P2RY8: variants seen among roughly 807,000 people sequenced by gnomAD.
The protein encoded by P2RY8 is P2Y receptor family member 8.
A neutral mutation model predicts 10.0 loss-of-function variants in P2RY8; 6 were observed. The ratio of observed to expected loss-of-function variants is 0.60; its 90% CI spans 0.33 to 1.19. The LOEUF (loss-of-function observed/expected upper bound fraction) is 1.19. P2RY8 is among the 50% of genes most tolerant of loss of function. P2RY8 has a pLI of 0.04. For synonymous variants in P2RY8, 276 were observed against 252.5 expected (o/e 1.09, Z -0.88); for missense variants, 456 against 542.0 (o/e 0.84, Z 1.58).
intron 1 of P2RY8, among the ~76,000 whole-genome samples, chrX:1,530,602 A>G (rs1452593451): frequency 6.6e-6 from 1 of 150,714 alleles, no homozygotes; most frequent in Non-Finnish European, 1.5e-5. Context: ...ACCATTATCT[A>G]TCTATATGTA....
chrX:1,507,567 A>G (rs181442097), intron 1 of P2RY8, among the ~76,000 whole-genome samples: 2 of 151,996 alleles, frequency 1.3e-5, no homozygotes, highest in Admixed American at 6.6e-5. Context: ...CTGGCGACAT[A>G]CCTGTTGTGT....
chrX:1,484,743 AAAAAAG>A (rs1193302852), intron 1 of P2RY8, among the ~76,000 whole-genome samples: 1 of 135,674 alleles, frequency 7.4e-6, no homozygotes, highest in African/African-American at 2.6e-5. Context: ...AAAAAAAAAA[AAAAAAG>A]AAGAAGAAGA....
chrX:1,511,826 C>T (rs184141135), intron 1 of P2RY8, among the ~76,000 whole-genome samples: 2,419 of 152,306 alleles, frequency 0.016, 32 homozygotes, highest in Non-Finnish European at 0.024. Context: ...TCTGAGAGTT[C>T]TTCCTGATTG....
chrX:1,472,397 T>G (rs1374455244), intron 1 of P2RY8, among the ~76,000 whole-genome samples: 1 of 146,626 alleles, frequency 6.8e-6, no homozygotes, highest in Non-Finnish European at 1.5e-5. Context: ...GATGGGTAGA[T>G]GCATAGATGG....
intron 1 of P2RY8, among the ~76,000 whole-genome samples, chrX:1,486,480 T>C (rs2091987445): frequency 6.6e-6 from 1 of 152,132 alleles, no homozygotes; most frequent in Non-Finnish European, 1.5e-5. Context: ...GGCCACATGG[T>C]GTAGGACTCC....
intron 1 of P2RY8, among the ~76,000 whole-genome samples, chrX:1,496,392 A>G (rs2092116865): frequency 6.6e-6 from 1 of 152,220 alleles, no homozygotes; most frequent in South Asian, 2.1e-4. Context: ...GGGGAGCCAC[A>G]TGAGAAGGCT....
At position 1,493,405 on chromosome X, in the gene P2RY8, AAGGAGGAGGAAGGAGGAAGGAGGAGGGAG is replaced by A. The variant is rs1250812003; in HGVS notation, c.-24-26852_-24-26824del. Reference sequence around the variant, plus strand: ...GGAAGGAGGGAGGGAGGGAAGGAGGAAGGAGGAGGAAGGAGGAAGGAGGAGGGAGGGAAGGAGGAGGAAGGAGGAAGGAG... The same window carrying A: ...GGAAGGAGGGAGGGAGGGAAGGAGGAGGAAGGAGGAGGAAGGAGGAAGGAG... On this transcript the variant is annotated intron_variant, in intron 1 of 1. Coordinates refer to ENST00000381297, the MANE Select transcript of P2RY8 (RefSeq NM_178129.5). 3.8e-3 allele frequency among the ~76,000 whole-genome samples: 43 copies of A among 11,384 alleles called. 2 individuals carry two copies. The highest frequency in any genetic ancestry group is 4.2e-3 in the Non-Finnish European group (15 of 3,592). 7.5% of individuals were successfully genotyped at this position (11,384 alleles called of 152,430 possible).
intron 1 of P2RY8, among the ~76,000 whole-genome samples, chrX:1,517,912 CA>C (rs1420318670): frequency 9.9e-5 from 15 of 151,550 alleles, no homozygotes; most frequent in African/African-American, 2.7e-4. Flanking sequence ...AGTTCGAGAC[CA>C]GCCTGGCCAA....
At chrX:1,480,048 C>T (rs543953800) in intron 1 of P2RY8, among the ~76,000 whole-genome samples, 3 of 152,060 alleles carry the variant, frequency 2.0e-5, no homozygotes, top group South Asian at 4.1e-4. Flanking sequence ...ATGAATTTTC[C>T]CCAACATTTA....
At chrX:1,492,128 G>A (rs1285503591) in intron 1 of P2RY8, among the ~76,000 whole-genome samples, 1 of 152,144 alleles carries the variant, frequency 6.6e-6, no homozygotes, top group East Asian at 1.9e-4. Flanking sequence ...GCCAATCAAT[G>A]AGGAGAGGGG....
At chrX:1,528,431 TGA>T (rs2092452682) in intron 1 of P2RY8, among the ~76,000 whole-genome samples, 1 of 152,254 alleles carries the variant, frequency 6.6e-6, no homozygotes, top group African/African-American at 2.4e-5. Context: ...ATCACAGCTC[TGA>T]GCAGCAGGCG....
intron 1 of P2RY8, among the ~76,000 whole-genome samples, chrX:1,509,815 A>ATCCATCCAT (rs1569538175): frequency 7.0e-3 from 720 of 103,524 alleles, no homozygotes; most frequent in Non-Finnish European, 0.01. Flanking sequence ...CTATCTATCT[A>ATCCATCCAT]TCTATCTATC....
chrX:1,520,569 T>G (rs1271430413), intron 1 of P2RY8, among the ~76,000 whole-genome samples: 1 of 151,124 alleles, frequency 6.6e-6, no homozygotes, highest in Non-Finnish European at 1.5e-5. Context: ...TTATCTCCGA[T>G]CCTCAATTAT....
rs1447106411 is a variant in P2RY8 at position 1,463,922 on chromosome X, C to T, written c.*1557G>A. The T allele has an allele frequency of 4.3e-6, 1 of 233,116 alleles. No individual in the cohort carries two copies. Among genetic ancestry groups the T allele is most frequent in the African/African-American group, 2.2e-5 (1 of 45,328 alleles). 14.4% of individuals were successfully genotyped at this position (233,116 alleles called of 1,614,324 possible). A position where few individuals can be genotyped will look rare whatever the true frequency, so the allele number is the denominator to read the frequency against. On this transcript the variant is annotated 3_prime_UTR_variant, in exon 2 of 2. Transcript: ENST00000381297. ...CTTACTTAATTACATTTGGAAAGAC[C>T]CGATTTTCAAACATGGTCCCATCCT...
chrX:1,509,741 GTATCTATCTGTCTATCTA>G (rs2092281143), intron 1 of P2RY8, among the ~76,000 whole-genome samples: 1 of 39,012 alleles, frequency 2.6e-5, no homozygotes, highest in African/African-American at 1.1e-4. Context: ...ATCTATCTAT[GTATCTATCTGTCTATCTA>G]TCTATCTATC....
intron 1 of P2RY8, among the ~76,000 whole-genome samples, chrX:1,518,557 T>G (rs5948932): frequency 0.89 from 134,303 of 151,416 alleles, 59,706 homozygotes; most frequent in East Asian, 1. Flanking sequence ...AACCTGTCTG[T>G]TTCCCCAAAA....
Position 1,466,570 on chromosome X carries a change from C to CTCG in P2RY8, c.-13_-12insCGA. 1 of 1,597,990 alleles carries CTCG rather than the reference C, an allele frequency of 6.3e-7. No homozygotes were observed. The highest frequency in any genetic ancestry group is 8.5e-7 in the Non-Finnish European group (1 of 1,175,122). On this transcript the variant is annotated 5_prime_UTR_variant, in exon 2 of 2. Coordinates refer to ENST00000381297, the MANE Select transcript of P2RY8 (RefSeq NM_178129.5). ...TTCGGGACCTGCATCCTGGAGGGGTCCTCGCCCGGGCTCTGCAAGGGAAGG... is the reference window on the plus strand; with the variant it reads ...TTCGGGACCTGCATCCTGGAGGGGTCTCGCTCGCCCGGGCTCTGCAAGGGAAGG...
chrX:1,531,478 G>A (rs1364839715), intron 1 of P2RY8, among the ~76,000 whole-genome samples: 3 of 152,068 alleles, frequency 2.0e-5, no homozygotes, highest in African/African-American at 7.2e-5. Context: ...TGCCCAGCCC[G>A]AGGGGTTAGC....
chrX:1,516,774 C>T (rs1401326542), intron 1 of P2RY8, among the ~76,000 whole-genome samples: 1 of 151,572 alleles, frequency 6.6e-6, no homozygotes, highest in Non-Finnish European at 1.5e-5. Context: ...GAGATGAGGA[C>T]ACAGACACAC....
Sources: allele counts gnomAD v4.1 joint callset (sites outside exome capture counted in the v4.1 genomes callset), GRCh38; gene constraint gnomAD v4.1.1; transcripts MANE v1.5; gene names NCBI Gene and HGNC (gene_info 2026-07-23, HGNC 2026-07-21).